Variants in CCT2 observed in about 807,000 individuals in gnomAD.
The protein encoded by CCT2 is T-complex protein 1 subunit beta.
Under a neutral mutation model 61.8 loss-of-function variants are expected in CCT2, and 18 were observed. The ratio of observed to expected loss-of-function variants is 0.29; its 90% CI spans 0.20 to 0.43. The LOEUF (loss-of-function observed/expected upper bound fraction) is 0.43, where lower values mean the gene tolerates loss of function less well. CCT2 is among the 20% of genes least tolerant of loss of function. The pLI, the probability that CCT2 is intolerant of heterozygous loss-of-function variation, is 1.00. For missense variants in CCT2, 556 were observed against 656.9 expected, an observed-to-expected ratio of 0.85 and a Z score of 1.68; for synonymous variants, 248 against 215.9, an observed-to-expected ratio of 1.15 and a Z score of -1.30.
rs201508421 is a variant in CCT2 at position 69,586,366 on chromosome 12, G to C, written c.78+22G>C. 3.5e-5 allele frequency: 55 copies of C among 1,560,530 alleles called. 2 individuals are homozygous for C. Among genetic ancestry groups the C allele is most frequent in the Non-Finnish European group, 4.3e-5 (49 of 1,132,320 alleles). Reference sequence around the variant, plus strand: ...TCTGGTAAGCCTTGTTCTAAGCATTGTTTTAAAGATAAAACTGGAGGCCAG... The same window carrying C: ...TCTGGTAAGCCTTGTTCTAAGCATTCTTTTAAAGATAAAACTGGAGGCCAG... On this transcript the variant is annotated intron_variant, in intron 2 of 15. Coordinates refer to ENST00000299300, the MANE Select transcript of CCT2 (RefSeq NM_006431.3).
chr12:69,598,259 T>G, intron 13 of CCT2, 63 bp from the exon 14 acceptor site: 1 of 1,226,604 alleles, frequency 8.2e-7, no homozygotes. Context: ...CTATCCTAGT[T>G]AGGAGTAAAT....
At chr12:69,593,152 A>G (rs1881886650) in intron 9 of CCT2, 49 bp downstream of exon 9, 3 of 1,510,376 alleles carry the variant, frequency 2.0e-6, no homozygotes, top group Non-Finnish European at 2.7e-6. Flanking sequence ...AAGTTTATGG[A>G]ATACTTCATA....
chr12:69,593,538 C>T lies in CCT2; in HGVS notation c.907C>T (p.Leu303Phe). 6.2e-7 allele frequency: 1 copy of T among 1,612,270 alleles called. No homozygotes were observed. The highest frequency in any genetic ancestry group is 8.5e-7 in the Non-Finnish European group (1 of 1,178,662). Residue 303 changes from leucine (L) to phenylalanine (F), a missense_variant, in exon 10 of 16, where the codon CTC becomes TTC. Leu to Phe is a conservative substitution (Grantham distance 22). Around this residue, in one of 3 missense-constraint regions of CCT2, gnomAD observed 23 missense variants for 56.6 expected, o/e 0.41. Transcript: ENST00000299300. Reference sequence around the variant, plus strand: ...ATTAATTTATAATTATCCTGAACAGCTCTTTGGTGCTGCTGGTGTCATGGC... The same window carrying T: ...ATTAATTTATAATTATCCTGAACAGTTCTTTGGTGCTGCTGGTGTCATGGC... Reference protein sequence around the residue: ...RQLIYNYPEQLFGAAGVMAIE... With the variant: ...RQLIYNYPEQFFGAAGVMAIE...
At position 69,597,270 on chromosome 12, in the gene CCT2, C is replaced by T; in HGVS notation, c.1097C>T (p.Ala366Val). The change falls in exon 11 of 16, where the codon GCC becomes GTC. Residue 366 changes from alanine (A) to valine (V), a missense_variant. Physicochemically the swap from Ala to Val is moderately conservative, Grantham distance 64 (BLOSUM62 0). Around this residue, in one of 3 missense-constraint regions of CCT2, gnomAD observed 225 missense variants for 249.8 expected, o/e 0.90. Transcript: ENST00000299300. ...EDKLIHFSGV[A>V]LGEACTIVLR... is the part of the protein sequence containing the mutation. ...AAACTCATTCACTTTTCTGGGGTTG[C>T]CCTTGGTGAGTGATTATGTAGATCC... The T allele has an allele frequency of 6.2e-7, 1 of 1,613,724 alleles. No homozygotes were observed. The highest frequency in any genetic ancestry group is 8.5e-7 in the Non-Finnish European group (1 of 1,179,778).
chr12:69,597,340 G>T (rs750245313), intron 11 of CCT2, 65 bp downstream of exon 11: 2 of 1,558,460 alleles, frequency 1.3e-6, no homozygotes, highest in African/African-American at 2.7e-5. Context: ...TGAAGTAAAG[G>T]TTATTGTAGT....
chr12:69,593,517 A>G lies in CCT2; in HGVS notation c.886A>G (p.Ile296Val). ...GINCFINRQL[I>V]YNYPEQLFGA... Reference sequence around the variant, plus strand: ...CATGTATTTTATTTACAGGCAATTAATTTATAATTATCCTGAACAGCTCTT... The same window carrying G: ...CATGTATTTTATTTACAGGCAATTAGTTTATAATTATCCTGAACAGCTCTT... The change falls in exon 10 of 16, where the codon ATT becomes GTT. Residue 296 changes from isoleucine (I) to valine (V), a missense_variant. By Grantham distance (29) the Ile-to-Val change is conservative. Transcript: ENST00000299300. 1 of 1,600,428 alleles carries G rather than the reference A, an allele frequency of 6.2e-7. No homozygotes were observed. Among genetic ancestry groups the G allele is most frequent in the African/African-American group, 1.3e-5 (1 of 74,688 alleles).
In CCT2 at chr12:69,589,475, T is replaced by C. The variant is rs1881769601; in HGVS notation, c.447-10T>C. ...AGGGTTAATATGTATATTTGGTTGG[T>C]TTTATTTAGTTCCGATGAAGTTAAA... On this transcript the variant is annotated splice_polypyrimidine_tract_variant and intron_variant, in intron 6 of 15. Transcript: ENST00000299300. The C allele has an allele frequency of 1.9e-6, 3 of 1,611,004 alleles. No individual in the cohort carries two copies. Among genetic ancestry groups the C allele is most frequent in the South Asian group, 2.2e-5 (2 of 90,968 alleles).
chr12:69,597,431 A>T (rs960118130), intron 11 of CCT2, among the ~76,000 whole-genome samples, 156 bp downstream of exon 11: 3 of 152,164 alleles, frequency 2.0e-5, no homozygotes, highest in Non-Finnish European at 4.4e-5. Context: ...AGTCAACCTC[A>T]TATTTACCGT....
At chr12:69,595,114 T>G (rs2135856871) in intron 10 of CCT2, among the ~76,000 whole-genome samples, 1 of 152,314 alleles carries the variant, frequency 6.6e-6, no homozygotes, top group African/African-American at 2.4e-5. Context: ...GCTGTCACAC[T>G]GTTTGGAACT....
intron 10 of CCT2, among the ~76,000 whole-genome samples, chr12:69,595,752 ATCGTAAGGTCTTG>A (rs1881970521): frequency 6.6e-6 from 1 of 151,984 alleles, no homozygotes; most frequent in African/African-American, 2.4e-5. Flanking sequence ...GGATAAACAT[ATCGTAAGGTCTTG>A]ACATGAAATT....
chr12:69,597,287 T>C lies in CCT2; in HGVS notation c.1102+12T>C. Reference sequence around the variant, plus strand: ...TGGGGTTGCCCTTGGTGAGTGATTATGTAGATCCTGGTTAGGGTGTCTAAA... The same window carrying C: ...TGGGGTTGCCCTTGGTGAGTGATTACGTAGATCCTGGTTAGGGTGTCTAAA... On this transcript the variant is annotated intron_variant, in intron 11 of 15. Transcript: ENST00000299300. 1 of 1,613,624 alleles carries C rather than the reference T, an allele frequency of 6.2e-7. No individual in the cohort carries two copies. Among genetic ancestry groups the C allele is most frequent in the Non-Finnish European group, 8.5e-7 (1 of 1,179,700 alleles).
intron 7 of CCT2, among the ~76,000 whole-genome samples, chr12:69,591,788 G>A (rs1232801267): frequency 1.3e-5 from 2 of 152,078 alleles, no homozygotes; most frequent in Non-Finnish European, 2.9e-5. Context: ...TGGTTGGGTC[G>A]GTAAAGCCCC....
In CCT2 at chr12:69,586,236, C is replaced by T. The variant is rs150207506; in HGVS notation, c.4-34C>T. ...CAGTGTATGTGTTAGAGTATTGGTA[C>T]TTAAACGGAATGCCTCTTGGTTTTC... On this transcript the variant is annotated intron_variant, in intron 1 of 15. Transcript: ENST00000299300. The T allele has an allele frequency of 6.3e-5, 96 of 1,524,660 alleles. No homozygotes were observed. In the African/African-American group the frequency reaches 1.2e-3, roughly 19 times the overall value. The allele number at this position is 1,524,660 out of a possible 1,614,324, so 94.4% of individuals were successfully genotyped here.
intron 7 of CCT2, 98 bp downstream of exon 7, chr12:69,589,785 A>G (rs1473802328): frequency 2.0e-5 from 19 of 959,794 alleles, no homozygotes; most frequent in Non-Finnish European, 3.0e-5. Context: ...TTACAAAGCC[A>G]GTGAACTTGA....
intron 14 of CCT2, among the ~76,000 whole-genome samples, chr12:69,599,478 C>T (rs1200787969): frequency 6.6e-6 from 1 of 152,094 alleles, no homozygotes; most frequent in East Asian, 1.9e-4. Flanking sequence ...ACCTCTGCCT[C>T]CTGGGTTCAA....
In CCT2 at chr12:69,586,401, C is replaced by G. The variant is rs188864777; in HGVS notation, c.78+57C>G. On this transcript the variant is annotated intron_variant, in intron 2 of 15. Coordinates refer to ENST00000299300, the MANE Select transcript of CCT2 (RefSeq NM_006431.3). The stretch of plus-strand genomic sequence containing the variant: ...TAAAACTGGAGGCCAGGCGCGGTGG[C>G]TTACTCCTGTAATCCCAGTACTTTG... 6.3e-5 allele frequency: 78 copies of G among 1,242,898 alleles called. No homozygotes were observed. In the Admixed American group the frequency reaches 1.3e-3, roughly 20 times the overall value. The allele number at this position is 1,242,898 out of a possible 1,614,324, so 77.0% of individuals were successfully genotyped here.
At chr12:69,597,581 A>C in intron 11 of CCT2, 57 bp from the exon 12 acceptor site, 1 of 1,575,840 alleles carries the variant, frequency 6.3e-7, no homozygotes, top group South Asian at 1.1e-5. Context: ...ACACCGGCAT[A>C]AATAATAGAA....
At chr12:69,588,027 C>G (rs760083672) in intron 5 of CCT2, 21 bp downstream of exon 5, 3 of 1,602,380 alleles carry the variant, frequency 1.9e-6, no homozygotes, top group Non-Finnish European at 2.6e-6. Context: ...CTAAGCAACT[C>G]TTTTTTCCTA....
At chr12:69,588,287 TC>T in intron 6 of CCT2, 25 bp downstream of exon 6, 1 of 1,468,218 alleles carries the variant, frequency 6.8e-7, no homozygotes. Context: ...GTACTACTGT[TC>T]TAAACATTTA....
Sources: allele counts gnomAD v4.1 joint callset (sites outside exome capture counted in the v4.1 genomes callset), GRCh38; gene constraint gnomAD v4.1.1; regional missense constraint gnomAD v4.1.1; transcripts MANE v1.5; gene names NCBI Gene and HGNC (gene_info 2026-07-23, HGNC 2026-07-21).